The following RNH1 variants were observed in gnomAD, a reference collection of about 807,000 sequenced individuals.
The protein encoded by RNH1 is ribonuclease/angiogenin inhibitor 1.
Under a neutral mutation model 46.1 loss-of-function variants are expected in RNH1, and 38 were observed. The ratio of observed to expected loss-of-function variants is 0.82; its 90% CI spans 0.64 to 1.08. RNH1 has a LOEUF of 1.08. Ranked by LOEUF, RNH1 falls within the 50% of genes least tolerant of loss-of-function variation. The pLI is 0.00. For missense variants in RNH1, 577 were observed against 590.7 expected, an observed-to-expected ratio of 0.98 and a Z score of 0.24; for synonymous variants, 319 against 279.1, an observed-to-expected ratio of 1.14 and a Z score of -1.43.
intron 1 of RNH1, chr11:506,565 G>T (rs1850287451): frequency 6.6e-6 from 1 of 152,222 alleles, no homozygotes; most frequent in Non-Finnish European, 1.5e-5. Context: ...AATGGAGAGC[G>T]GAGGACCCTC....
intron 9 of RNH1, among the ~76,000 whole-genome samples, chr11:496,436 G>A (rs771320238): frequency 1.3e-5 from 2 of 152,192 alleles, no homozygotes; most frequent in Admixed American, 6.5e-5. Context: ...TTAGGAGGCC[G>A]AGGCAGGCGG....
chr11:502,184 G>A lies in RNH1; in HGVS notation c.-22C>T. 3.2e-6 allele frequency: 5 copies of A among 1,582,116 alleles called. No individual in the cohort carries two copies. The highest frequency in any genetic ancestry group is 1.1e-5 in the South Asian group (1 of 88,838). On this transcript the variant is annotated 5_prime_UTR_variant, in exon 3 of 11. Coordinates refer to ENST00000354420, the MANE Select transcript of RNH1 (RefSeq NM_203387.3). This position sits in a 1 kb window ranked among gnomAD's most constrained non-coding sequence, Gnocchi z 5.8. Reference sequence around the variant, plus strand: ...TCATGGTGGAGGTGAAGAGTGGCCTGGGTGGGAGGCAGAGGGAAGAGGACG... The same window carrying A: ...TCATGGTGGAGGTGAAGAGTGGCCTAGGTGGGAGGCAGAGGGAAGAGGACG...
At chr11:497,859 CA>C in intron 9 of RNH1, 111 bp downstream of exon 9, 1 of 1,318,202 alleles carries the variant, frequency 7.6e-7, no homozygotes, top group East Asian at 2.3e-5. Flanking sequence ...TGTGTGCTCA[CA>C]TACACACGGA....
intron 2 of RNH1, among the ~76,000 whole-genome samples, chr11:504,270 G>A (rs757114698): frequency 2.2e-4 from 33 of 152,226 alleles, no homozygotes; most frequent in Non-Finnish European, 4.1e-4. Flanking sequence ...CCGGTCCCTG[G>A]GACCCCCGCC....
chr11:498,742 G>T, intron 7 of RNH1, 21 bp downstream of exon 7: 1 of 1,591,228 alleles, frequency 6.3e-7, no homozygotes, highest in Non-Finnish European at 8.5e-7. Flanking sequence ...CCGGGAAGGA[G>T]GCCTCGCGGA....
Position 501,184 on chromosome 11 carries a change from G to A in RNH1, c.102-530C>T, listed in dbSNP as rs930243181. 5 of 232,012 alleles carry A rather than the reference G, an allele frequency of 2.2e-5. No homozygotes were observed. The highest frequency in any genetic ancestry group is 1.6e-4 in the Admixed American group (3 of 19,180). The allele number at this position is 232,012 out of a possible 1,614,324, so 14.4% of individuals were successfully genotyped here. ...CTGATCAGTCACAGGAGGAAAGGCA[G>A]TGGCGTCACAGTGGAGAGGGTGGCA... On this transcript the variant is annotated intron_variant, in intron 3 of 10. Coordinates refer to ENST00000354420, the MANE Select transcript of RNH1 (RefSeq NM_203387.3). The surrounding 1 kb of genome is among the most constrained non-coding windows in gnomAD (Gnocchi z 4.1).
intron 9 of RNH1, among the ~76,000 whole-genome samples, chr11:495,840 T>G (rs992852334): frequency 1.2e-4 from 19 of 152,190 alleles, no homozygotes; most frequent in Admixed American, 9.8e-4. Context: ...CTCCCGGGCC[T>G]CACTCTGCAC....
chr11:501,491 G>C lies in RNH1; in HGVS notation c.101+571C>G, dbSNP rs1849746326. The C allele has an allele frequency of 6.3e-6, 1 of 158,566 alleles. No individual in the cohort carries two copies. Among genetic ancestry groups the C allele is most frequent in the South Asian group, 1.8e-4 (1 of 5,682 alleles). The allele number at this position is 158,566 out of a possible 1,614,324, so 9.8% of individuals were successfully genotyped here. On this transcript the variant is annotated intron_variant, in intron 3 of 10. Transcript: ENST00000354420. The surrounding 1 kb of genome is among the most constrained non-coding windows in gnomAD (Gnocchi z 4.1). ...GCGGAAAAGCAGACCCTGCCTGGAG[G>C]TGCTGGGCCAGAGCTAGCGTCCGCA...
intron 9 of RNH1, among the ~76,000 whole-genome samples, chr11:495,802 C>T (rs1183775194): frequency 6.6e-6 from 1 of 152,198 alleles, no homozygotes; most frequent in Non-Finnish European, 1.5e-5. Context: ...GCAGCCATGA[C>T]TCGGCCTGCA....
In RNH1 at chr11:501,694, C is replaced by A. The variant is rs1342463674; in HGVS notation, c.101+368G>T. ...ACCTCGAGGGCCGAGGACTCCCAGC[C>A]CCCAGCTTGGCAGGGACAAGCAGCG... On this transcript the variant is annotated intron_variant, in intron 3 of 10. Transcript: ENST00000354420. This position sits in a 1 kb window ranked among gnomAD's most constrained non-coding sequence, Gnocchi z 4.1. 3 of 242,912 alleles carry A rather than the reference C, an allele frequency of 1.2e-5. No homozygotes were observed. The highest frequency in any genetic ancestry group is 2.4e-5 in the Non-Finnish European group (3 of 124,020). The allele number at this position is 242,912 out of a possible 1,614,324, so 15.0% of individuals were successfully genotyped here.
chr11:503,549 G>A (rs1323485523), intron 2 of RNH1: 1 of 144,912 alleles, frequency 6.9e-6, no homozygotes, highest in Non-Finnish European at 1.5e-5. Context: ...CGAAGCACGT[G>A]AGCAAAACCG....
chr11:498,742 G>A, intron 7 of RNH1, 21 bp downstream of exon 7: 5 of 1,591,228 alleles, frequency 3.1e-6, no homozygotes, highest in African/African-American at 2.7e-5. Flanking sequence ...CCGGGAAGGA[G>A]GCCTCGCGGA....
At chr11:500,770 G>C in intron 3 of RNH1, 116 bp from the exon 4 acceptor site, 2 of 1,070,866 alleles carry the variant, frequency 1.9e-6, no homozygotes, top group South Asian at 2.6e-5. Flanking sequence ...AGCAAGGCAA[G>C]TCACACAAGA....
intron 9 of RNH1, 80 bp from the exon 10 acceptor site, chr11:495,133 G>A: frequency 1.4e-6 from 2 of 1,405,208 alleles, no homozygotes; most frequent in African/African-American, 1.4e-5. Flanking sequence ...TGGGCCTGGG[G>A]GGCGCGACGG....
At chr11:503,024 C>G (rs1044770546) in intron 2 of RNH1, 4 of 152,326 alleles carry the variant, frequency 2.6e-5, no homozygotes, top group African/African-American at 7.2e-5. Context: ...AGACAGCCAC[C>G]CCAAACCTTG....
chr11:498,973 C>G, intron 6 of RNH1, 40 bp from the exon 7 acceptor site: 1 of 1,611,532 alleles, frequency 6.2e-7, no homozygotes, highest in South Asian at 1.1e-5. Flanking sequence ...ACGGGACCCC[C>G]CCTAGCCCAC....
intron 9 of RNH1, among the ~76,000 whole-genome samples, chr11:497,755 G>A (rs555874453): frequency 2.0e-5 from 3 of 149,212 alleles, no homozygotes; most frequent in South Asian, 4.2e-4. Flanking sequence ...GCTCACTCAC[G>A]TGCTCACACG....
rs1361120209 is a variant in RNH1 at position 498,474 on chromosome 11, GCAGC to G, written c.935_938del (p.Gly312AlafsTer8). On this transcript the variant is annotated frameshift_variant, in exon 8 of 11. Coordinates refer to ENST00000354420, the MANE Select transcript of RNH1 (RefSeq NM_203387.3). LOFTEE classifies it high-confidence loss of function. ...ACACTCACCACAGCGACTCCAGCTGGCAGCCAGGTTCCAGCAGGGTCTCACACAG... is the reference window on the plus strand; with the variant it reads ...ACACTCACCACAGCGACTCCAGCTGGCAGGTTCCAGCAGGGTCTCACACAG... The G allele has an allele frequency of 6.2e-7, 1 of 1,612,908 alleles. No homozygotes were observed. The highest frequency in any genetic ancestry group is 8.5e-7 in the Non-Finnish European group (1 of 1,179,992).
chr11:498,429 A>G (rs1290024597), intron 8 of RNH1, 28 bp downstream of exon 8: 1 of 1,608,316 alleles, frequency 6.2e-7, no homozygotes, highest in Admixed American at 1.7e-5. Context: ...CTTGGGCGAC[A>G]GGGCCCTGCC....
Sources: gnomAD v4.1 joint callset for allele counts (sites outside exome capture counted in the v4.1 genomes callset) on GRCh38, gnomAD v4.1.1 for gene constraint, Gnocchi (gnomAD v3.1) non-coding constraint, MANE v1.5 for transcripts, NCBI Gene and HGNC (gene_info 2026-07-23, HGNC 2026-07-21) for gene names.